The following POLDIP3 variants were observed in gnomAD, a reference collection of about 807,000 sequenced individuals.
POLDIP3 encodes polymerase delta-interacting protein 3.
In POLDIP3, 14 loss-of-function variants were observed where a neutral mutation model predicts 45.1. The ratio of observed to expected loss-of-function variants is 0.31; its 90% CI spans 0.20 to 0.49. POLDIP3 has a LOEUF of 0.49. Ranked by LOEUF, POLDIP3 falls within the 20% of genes least tolerant of loss-of-function variation. POLDIP3 has a pLI of 0.99. For synonymous variants in POLDIP3, 223 were observed against 205.2 expected (o/e 1.09, Z -0.74); for missense variants, 511 against 538.8 (o/e 0.95, Z 0.51).
intron 3 of POLDIP3, among the ~76,000 whole-genome samples, chr22:42,600,173 G>C (rs762938719): frequency 6.6e-6 from 1 of 152,146 alleles, no homozygotes; most frequent in African/African-American, 2.4e-5. Context: ...CACAGCAGAA[G>C]GATTTCTAAC....
intron 1 of POLDIP3, 25 bp downstream of exon 1, chr22:42,614,774 C>G: frequency 1.9e-6 from 3 of 1,613,772 alleles, no homozygotes; most frequent in Non-Finnish European, 2.5e-6. Flanking sequence ...GACCCTAAAC[C>G]CCGAAGAAAG....
At chr22:42,591,665 C>G (rs573501167) in intron 7 of POLDIP3, among the ~76,000 whole-genome samples, 2 of 152,252 alleles carry the variant, frequency 1.3e-5, no homozygotes, top group African/African-American at 2.4e-5. Context: ...TGGGAGGCAA[C>G]AGCTGTGCCT....
At chr22:42,614,568 C>T (rs1927349884) in intron 1 of POLDIP3, among the ~76,000 whole-genome samples, 1 of 152,158 alleles carries the variant, frequency 6.6e-6, no homozygotes, top group South Asian at 2.1e-4. Context: ...CACCCTGTCC[C>T]CGCCGCGGCC....
intron 6 of POLDIP3, among the ~76,000 whole-genome samples, chr22:42,594,517 A>G (rs1925866184): frequency 6.6e-6 from 1 of 152,190 alleles, no homozygotes; most frequent in Non-Finnish European, 1.5e-5. Flanking sequence ...TCTCAAAAAC[A>G]AAACAAAACA....
At chr22:42,604,507 T>C (rs1374918345) in intron 1 of POLDIP3, among the ~76,000 whole-genome samples, 2 of 152,206 alleles carry the variant, frequency 1.3e-5, no homozygotes, top group Non-Finnish European at 2.9e-5. Context: ...TGAGGATCTC[T>C]GACCTGCTGT....
intron 6 of POLDIP3, among the ~76,000 whole-genome samples, chr22:42,594,985 G>A (rs188198475): frequency 9.2e-5 from 14 of 152,316 alleles, no homozygotes; most frequent in African/African-American, 2.9e-4. Context: ...TAGAAGCTGT[G>A]CAGAAGAGTG....
chr22:42,599,884 G>A, intron 3 of POLDIP3, 91 bp from the exon 4 acceptor site: 1 of 950,992 alleles, frequency 1.1e-6, no homozygotes, highest in Non-Finnish European at 1.6e-6. Context: ...AATGGCTGCT[G>A]GAGAAACAAA....
intron 1 of POLDIP3, among the ~76,000 whole-genome samples, chr22:42,609,625 G>T (rs1926995448): frequency 6.6e-6 from 1 of 152,104 alleles, no homozygotes; most frequent in Non-Finnish European, 1.5e-5. Context: ...TAACCCATGG[G>T]TTTAAAATCC....
chr22:42,607,186 C>T (rs550271575), intron 1 of POLDIP3, among the ~76,000 whole-genome samples: 52 of 152,222 alleles, frequency 3.4e-4, no homozygotes, highest in Non-Finnish European at 5.6e-4. Context: ...GTACTGCCGC[C>T]ATCTCGGCTC....
intron 3 of POLDIP3, 99 bp downstream of exon 3, chr22:42,601,871 G>C: frequency 7.1e-7 from 1 of 1,400,922 alleles, no homozygotes; most frequent in Non-Finnish European, 9.7e-7. Context: ...GCAAGCCTCA[G>C]TCCATCCACC....
rs1926070239 is a variant in POLDIP3 at position 42,597,535 on chromosome 22, G to C, written c.634-1170C>G. 9.0e-6 allele frequency: 3 copies of C among 334,560 alleles called. No individual in the cohort carries two copies. The Admixed American group carries it at 1.3e-4, about 14-fold the overall frequency. The allele number at this position is 334,560 out of a possible 1,614,324, so 20.7% of individuals were successfully genotyped here. On this transcript the variant is annotated intron_variant, in intron 4 of 8. Coordinates refer to ENST00000252115, the MANE Select transcript of POLDIP3 (RefSeq NM_032311.5). Reference sequence around the variant, plus strand: ...TCATCAGCTGGGTGATGTTGAACAGGCTTATTTCACCTCTCCATGCCTGTC... The same window carrying C: ...TCATCAGCTGGGTGATGTTGAACAGCCTTATTTCACCTCTCCATGCCTGTC...
rs112472831 is a variant in POLDIP3, at chr22:42,613,531, G to A, written c.59+1268C>T. Among the ~76,000 whole-genome samples, 707 of 152,266 alleles carry A rather than the reference G, an allele frequency of 4.6e-3. 3 individuals carry two copies. The highest frequency in any genetic ancestry group is 7.6e-3 in the Non-Finnish European group (516 of 68,016). ...TCCCAGCACTTTAGGAGGCCGAGGC[G>A]GGAGGATCACCTGAGGTCAGGAGTT... On this transcript the variant is annotated intron_variant, in intron 1 of 8. Coordinates refer to ENST00000252115, the MANE Select transcript of POLDIP3 (RefSeq NM_032311.5).
intron 4 of POLDIP3, among the ~76,000 whole-genome samples, chr22:42,598,310 G>A (rs182026271): frequency 2.0e-5 from 3 of 147,032 alleles, no homozygotes; most frequent in Non-Finnish European, 4.5e-5. Flanking sequence ...GGAGTGCAGT[G>A]GCGCCTCTTG....
chr22:42,598,276 G>C (rs1379508505), intron 4 of POLDIP3, among the ~76,000 whole-genome samples: 2 of 137,740 alleles, frequency 1.5e-5, no homozygotes, highest in Non-Finnish European at 3.1e-5. Flanking sequence ...TTTTGAGACA[G>C]AGTCTCGCTC....
At chr22:42,610,128 C>T (rs1029418873) in intron 1 of POLDIP3, among the ~76,000 whole-genome samples, 5 of 151,960 alleles carry the variant, frequency 3.3e-5, no homozygotes, top group Admixed American at 3.3e-4. Flanking sequence ...GAGCTGAGAT[C>T]GCGCCATTGC....
intron 6 of POLDIP3, among the ~76,000 whole-genome samples, chr22:42,594,262 TA>T (rs1452863889): frequency 2.0e-5 from 3 of 151,062 alleles, no homozygotes; most frequent in Non-Finnish European, 4.4e-5. Context: ...ACTCCATCTT[TA>T]AAAAAAACAA....
chr22:42,594,594 G>A lies in POLDIP3; in HGVS notation c.891+943C>T, dbSNP rs1569297858. 4.6e-5 allele frequency among the ~76,000 whole-genome samples: 7 copies of A among 152,234 alleles called. No homozygotes were observed. In the South Asian group the frequency reaches 1.4e-3, roughly 31 times the overall value. ...TTAGTCTGGGACTTAACTGCAGGGA[G>A]AGGCTGGATTCTCCAAACGTATTCA... On this transcript the variant is annotated intron_variant, in intron 6 of 8. Coordinates refer to ENST00000252115, the MANE Select transcript of POLDIP3 (RefSeq NM_032311.5).
Position 42,585,706 on chromosome 22 carries a change from C to CG in POLDIP3, c.*84dup. On this transcript the variant is annotated 3_prime_UTR_variant, in exon 9 of 9. Coordinates refer to ENST00000252115, the MANE Select transcript of POLDIP3 (RefSeq NM_032311.5). ...TTCCCACAATCAGGGGTCTCCAGTC[C>CG]GATGGCCCATTGGTCATAAGCTTTG... is the stretch of plus-strand genomic sequence containing the variant. 6.8e-7 allele frequency: 1 copy of CG among 1,463,944 alleles called. No individual in the cohort carries two copies. The highest frequency in any genetic ancestry group is 1.3e-5 in the South Asian group (1 of 74,892). 90.7% of individuals were successfully genotyped at this position (1,463,944 alleles called of 1,614,324 possible).
chr22:42,603,978 A>C (rs1027338875), intron 1 of POLDIP3, among the ~76,000 whole-genome samples: 3 of 152,176 alleles, frequency 2.0e-5, no homozygotes, highest in Non-Finnish European at 4.4e-5. Context: ...CTCCATAAAC[A>C]GGCCCCGGTC....
Sources: allele counts gnomAD v4.1 joint callset (sites outside exome capture counted in the v4.1 genomes callset), GRCh38; gene constraint gnomAD v4.1.1; transcripts MANE v1.5; gene names NCBI Gene and HGNC (gene_info 2026-07-23, HGNC 2026-07-21).